The following RAD54B variants were observed in gnomAD, a reference collection of about 807,000 sequenced individuals.
RAD54B encodes the protein RAD54 homolog B.
Under a neutral mutation model 95.8 loss-of-function variants are expected in RAD54B, and 78 were observed. The ratio of observed to expected loss-of-function variants is 0.81; its 90% CI spans 0.68 to 0.98. RAD54B has a LOEUF of 0.98. RAD54B is among the 50% of genes least tolerant of loss of function. The probability of loss-of-function intolerance (pLI) is 0.00; values close to 1 mark genes in which losing one functional copy is unlikely to be tolerated. For synonymous variants in RAD54B, 328 were observed against 354.9 expected, an observed-to-expected ratio of 0.92 and a Z score of 0.85; for missense variants, 957 against 1,056.6, an observed-to-expected ratio of 0.91 and a Z score of 1.31.
intron 8 of RAD54B, among the ~76,000 whole-genome samples, chr8:94,396,376 C>T (rs772324734): frequency 1.0e-4 from 15 of 149,366 alleles, no homozygotes; most frequent in East Asian, 1.9e-4. Context: ...CCTACCTCCA[C>T]CCTATCCCTA....
At chr8:94,449,884 AG>A (rs1812614263) in intron 3 of RAD54B, among the ~76,000 whole-genome samples, 1 of 152,226 alleles carries the variant, frequency 6.6e-6, no homozygotes, top group South Asian at 2.1e-4. Flanking sequence ...CCTGACAACT[AG>A]GACAAGAACT....
At chr8:94,439,984 G>A (rs1180646404) in intron 3 of RAD54B, among the ~76,000 whole-genome samples, 1 of 152,186 alleles carries the variant, frequency 6.6e-6, no homozygotes, top group Non-Finnish European at 1.5e-5. Context: ...TATAGAATGT[G>A]GATTTTTCCC....
intron 3 of RAD54B, among the ~76,000 whole-genome samples, chr8:94,449,314 C>T (rs542959529): frequency 6.6e-6 from 1 of 151,810 alleles, no homozygotes; most frequent in South Asian, 2.1e-4. Flanking sequence ...AAATAATGCT[C>T]TATACTCTGG....
At chr8:94,449,625 A>G (rs967945741) in intron 3 of RAD54B, among the ~76,000 whole-genome samples, 1 of 151,782 alleles carries the variant, frequency 6.6e-6, no homozygotes, top group Admixed American at 6.6e-5. Context: ...AAAAAAAAAA[A>G]AGAAGGAAAT....
At chr8:94,454,341 G>C (rs1354364115) in intron 3 of RAD54B, among the ~76,000 whole-genome samples, 1 of 152,086 alleles carries the variant, frequency 6.6e-6, no homozygotes, top group East Asian at 1.9e-4. Context: ...TCTGGAACTA[G>C]ATAGAAGTGA....
At chr8:94,403,997 G>T in intron 6 of RAD54B, 80 bp downstream of exon 6, 5 of 1,151,124 alleles carry the variant, frequency 4.3e-6, no homozygotes, top group Non-Finnish European at 6.0e-6. Context: ...ATTATATTAG[G>T]ATCTTCTTAG....
intron 11 of RAD54B, among the ~76,000 whole-genome samples, chr8:94,385,873 G>T (rs917039428): frequency 1.3e-5 from 2 of 152,336 alleles, no homozygotes; most frequent in South Asian, 4.1e-4. Context: ...AGGTGGTTTG[G>T]TATGACTGGA....
intron 3 of RAD54B, among the ~76,000 whole-genome samples, chr8:94,414,015 T>C (rs536800099): frequency 2.5e-4 from 38 of 152,090 alleles, no homozygotes; most frequent in African/African-American, 8.4e-4. Flanking sequence ...TTTGTACTTT[T>C]AGCAGAGACG....
chr8:94,442,253 T>G (rs1272939474), intron 3 of RAD54B, among the ~76,000 whole-genome samples: 1 of 151,976 alleles, frequency 6.6e-6, no homozygotes, highest in East Asian at 1.9e-4. Flanking sequence ...AGGTGGGGAT[T>G]AAGAGAGGTT....
intron 3 of RAD54B, among the ~76,000 whole-genome samples, chr8:94,421,639 C>T (rs1026726399): frequency 1.3e-5 from 2 of 152,154 alleles, no homozygotes; most frequent in African/African-American, 2.4e-5. Flanking sequence ...CCCCATGTCT[C>T]GTCCTTATAC....
At chr8:94,458,217 C>T in intron 3 of RAD54B, 51 bp downstream of exon 3, 1 of 1,441,998 alleles carries the variant, frequency 6.9e-7, no homozygotes, top group Non-Finnish European at 9.3e-7. Context: ...TTAAAGAATA[C>T]TGTAATACTA....
intron 10 of RAD54B, among the ~76,000 whole-genome samples, chr8:94,388,615 T>C (rs1268226186): frequency 6.6e-6 from 1 of 152,192 alleles, no homozygotes; most frequent in African/African-American, 2.4e-5. Context: ...ACCCCCTCTT[T>C]AGTAATACTA....
chr8:94,392,888 G>A (rs1473191694), intron 9 of RAD54B, among the ~76,000 whole-genome samples: 1 of 145,284 alleles, frequency 6.9e-6, no homozygotes, highest in Non-Finnish European at 1.5e-5. Context: ...CCAGGCTAAA[G>A]TGCAGTGGCA....
chr8:94,436,682 G>A (rs867756203), intron 3 of RAD54B: 17 of 1,550,614 alleles, frequency 1.1e-5, no homozygotes, highest in Non-Finnish European at 1.3e-5. Flanking sequence ...TGTGCTGTTC[G>A]AGGAGGGCGG....
chr8:94,473,929 G>A (rs972810040), intron 1 of RAD54B, among the ~76,000 whole-genome samples: 1 of 152,308 alleles, frequency 6.6e-6, no homozygotes, highest in East Asian at 1.9e-4. Context: ...TGAGCATTCA[G>A]TAGAAACTGT....
rs371627801 is a variant in RAD54B at position 94,452,843 on chromosome 8, A to G, written c.304+5425T>C. On this transcript the variant is annotated intron_variant, in intron 3 of 14. Transcript: ENST00000336148. ...TAATTTTTAAATAATCTTTAACATCAAAAAGTTTAAATTGAAAGCACAACA... is the reference window on the plus strand; with the variant it reads ...TAATTTTTAAATAATCTTTAACATCGAAAAGTTTAAATTGAAAGCACAACA... Among the ~76,000 whole-genome samples the G allele has an allele frequency of 1.2e-3, 186 of 152,268 alleles. 1 individual carries two copies. The highest frequency in any genetic ancestry group is 4.3e-3 in the African/African-American group (179 of 41,550).
intron 1 of RAD54B, among the ~76,000 whole-genome samples, chr8:94,468,585 G>A (rs916379300): frequency 5.9e-5 from 9 of 151,970 alleles, no homozygotes; most frequent in African/African-American, 2.2e-4. Context: ...CAGCACTTCA[G>A]GAGGCCGAGG....
intron 3 of RAD54B, among the ~76,000 whole-genome samples, chr8:94,435,744 A>G (rs1026527159): frequency 7.2e-5 from 11 of 151,890 alleles, no homozygotes; most frequent in African/African-American, 2.4e-4. Flanking sequence ...GTATTTTAAA[A>G]TTCATAATTT....
chr8:94,464,706 T>A (rs1281814534), intron 2 of RAD54B, among the ~76,000 whole-genome samples: 1 of 152,168 alleles, frequency 6.6e-6, no homozygotes, highest in African/African-American at 2.4e-5. Context: ...TATATCTGTA[T>A]TAGTTTGCAT....
Sources: allele counts gnomAD v4.1 joint callset (sites outside exome capture counted in the v4.1 genomes callset), GRCh38; gene constraint gnomAD v4.1.1; transcripts MANE v1.5; gene names NCBI Gene and HGNC (gene_info 2026-07-23, HGNC 2026-07-21).